The following ASTL variants were observed in gnomAD, a reference collection of about 807,000 sequenced individuals.
ASTL encodes the protein astacin like metalloendopeptidase, also known as astacin-like metalloendopeptidase.
In ASTL, 27 loss-of-function variants were observed where a neutral mutation model predicts 36.7. That is an observed-to-expected ratio of 0.73 (90% confidence interval 0.54 to 1.01). The LOEUF (loss-of-function observed/expected upper bound fraction) is 1.01, where lower values mean the gene tolerates loss of function less well. Among genes scored for constraint, ASTL ranks in the 50% least tolerant of loss-of-function variants. ASTL has a pLI of 0.00. For synonymous variants in ASTL, 222 were observed against 228.1 expected, an observed-to-expected ratio of 0.97 and a Z score of 0.24; for missense variants, 524 against 572.8, an observed-to-expected ratio of 0.91 and a Z score of 0.87.
rs572376409 is a variant in ASTL, at chr2:96,130,175, G to A, written c.638-30C>T. 5.1e-5 allele frequency: 79 copies of A among 1,561,948 alleles called. No homozygotes were observed. The South Asian group carries it at 8.7e-4, about 17-fold the overall frequency. ...AAATACAAAAACAATACAACTTACT[G>A]ATATATAAAGAGGGCAGGCAAGAAA... On this transcript the variant is annotated intron_variant, in intron 6 of 8. Coordinates refer to ENST00000342380, the MANE Select transcript of ASTL (RefSeq NM_001002036.4).
chr2:96,130,006 C>T (rs369833800), intron 7 of ASTL, 28 bp from the exon 8 acceptor site: 1 of 1,612,154 alleles, frequency 6.2e-7, no homozygotes, highest in African/African-American at 1.3e-5. Flanking sequence ...ACCCCTGAGT[C>T]CAGATCACCA....
At chr2:96,125,903 T>C (rs558906589) in intron 8 of ASTL, among the ~76,000 whole-genome samples, 1 of 151,966 alleles carries the variant, frequency 6.6e-6, no homozygotes, top group African/African-American at 2.4e-5. Context: ...ACCACATCTG[T>C]CCTTTAGGGA....
At chr2:96,130,739 G>A (rs988698475) in intron 6 of ASTL, among the ~76,000 whole-genome samples, 1 of 152,074 alleles carries the variant, frequency 6.6e-6, no homozygotes, top group Non-Finnish European at 1.5e-5. Context: ...ACGCCACCTC[G>A]GTCACAGCAG....
chr2:96,126,640 G>A (rs1389393032), intron 8 of ASTL, among the ~76,000 whole-genome samples: 1 of 152,044 alleles, frequency 6.6e-6, no homozygotes, highest in Non-Finnish European at 1.5e-5. Flanking sequence ...GGTAGATCAC[G>A]AGGTCAGGAG....
intron 8 of ASTL, among the ~76,000 whole-genome samples, chr2:96,129,107 A>C (rs1682118197): frequency 6.6e-6 from 1 of 152,162 alleles, no homozygotes; most frequent in Admixed American, 6.5e-5. Flanking sequence ...GAATTTATAG[A>C]TTAATTTGGG....
In ASTL at chr2:96,133,519, G is replaced by A. The variant is rs1682230507; in HGVS notation, c.361C>T (p.Leu121=). 1.9e-6 allele frequency: 3 copies of A among 1,614,022 alleles called. No homozygotes were observed. The highest frequency in any genetic ancestry group is 2.5e-6 in the Non-Finnish European group (3 of 1,179,970). Residue 121 remains leucine (L), a synonymous_variant, in exon 5 of 9, where the codon CTG becomes TTG. Coordinates refer to ENST00000342380, the MANE Select transcript of ASTL (RefSeq NM_001002036.4). ...KYDEPSRQVI[L]EALAEFERST... is the part of the protein sequence containing the mutation. ...CGTTCAAACTCCGCAAGAGCCTCCAGGATGACCTGGCGGCTGGGCTCATCT... is the reference window on the plus strand; with the variant it reads ...CGTTCAAACTCCGCAAGAGCCTCCAAGATGACCTGGCGGCTGGGCTCATCT...
intron 8 of ASTL, among the ~76,000 whole-genome samples, chr2:96,127,935 C>CA (rs1682096637): frequency 6.6e-6 from 1 of 151,742 alleles, no homozygotes; most frequent in East Asian, 1.9e-4. Flanking sequence ...TTATGTGTTG[C>CA]AAAAAAATAT....
chr2:96,133,912 C>T (rs1050609451), intron 4 of ASTL, 53 bp downstream of exon 4: 40 of 1,211,924 alleles, frequency 3.3e-5, no homozygotes, highest in Non-Finnish European at 4.4e-5. Context: ...GAACACCTGC[C>T]GCATTAGGAA....
intron 8 of ASTL, among the ~76,000 whole-genome samples, chr2:96,128,162 G>A (rs192395515): frequency 6.6e-6 from 1 of 151,454 alleles, no homozygotes; most frequent in East Asian, 1.9e-4. Flanking sequence ...AACCTGGGAG[G>A]CAGAAGTTGC....
Position 96,124,111 on chromosome 2 carries a change from C to G in ASTL, c.1035G>C (p.Gly345=). The change falls in exon 9 of 9, where the codon GGG becomes GGC. Residue 345 remains glycine, a synonymous_variant. Coordinates refer to ENST00000342380, the MANE Select transcript of ASTL (RefSeq NM_001002036.4). The surrounding 1 kb of genome is among the most constrained non-coding windows in gnomAD (Gnocchi z 4.1). Reference sequence around the variant, plus strand: ...GCTTTTTCAGGGCAGGGGACTCCCACCCATGTGGGCTCTCCCCAGGCCCTG... The same window carrying G: ...GCTTTTTCAGGGCAGGGGACTCCCAGCCATGTGGGCTCTCCCCAGGCCCTG... ...VPAGPGESPH[G]WESPALKKLS... is the part of the protein sequence containing the mutation. The G allele has an allele frequency of 1.9e-6, 3 of 1,601,778 alleles. No individual in the cohort carries two copies. The highest frequency in any genetic ancestry group is 1.3e-5 in the African/African-American group (1 of 74,808).
chr2:96,128,962 C>A (rs1479694519), intron 8 of ASTL, among the ~76,000 whole-genome samples: 6 of 151,896 alleles, frequency 4.0e-5, no homozygotes, highest in Non-Finnish European at 8.8e-5. Flanking sequence ...ATCACTTGAA[C>A]CTCGGAGGCA....
At position 96,123,199 on chromosome 2, in the gene ASTL, G is replaced by A. The variant is rs940099137; in HGVS notation, c.*651C>T. 6.6e-6 allele frequency among the ~76,000 whole-genome samples: 1 copy of A among 152,234 alleles called. No individual in the cohort carries two copies. The highest frequency in any genetic ancestry group is 1.5e-5 in the Non-Finnish European group (1 of 68,044). Reference sequence around the variant, plus strand: ...TAGGGTGGAGACAACTGAGTCCTCTGTTCAGGGGCCAGCTGAGGTTCCCAT... The same window carrying A: ...TAGGGTGGAGACAACTGAGTCCTCTATTCAGGGGCCAGCTGAGGTTCCCAT... On this transcript the variant is annotated 3_prime_UTR_variant, in exon 9 of 9. Transcript: ENST00000342380.
chr2:96,127,762 C>CG (rs1227662742), intron 8 of ASTL, among the ~76,000 whole-genome samples: 4 of 151,838 alleles, frequency 2.6e-5, no homozygotes, highest in African/African-American at 9.7e-5. Flanking sequence ...TTTTAAGAGA[C>CG]GGGGTCTTAC....
intron 6 of ASTL, among the ~76,000 whole-genome samples, chr2:96,131,903 A>G (rs889390785): frequency 6.6e-6 from 1 of 152,080 alleles, no homozygotes; most frequent in Admixed American, 6.5e-5. Context: ...CAAGCCCACA[A>G]TGAGAGAGAC....
At chr2:96,131,687 C>T (rs796714721) in intron 6 of ASTL, among the ~76,000 whole-genome samples, 9 of 152,260 alleles carry the variant, frequency 5.9e-5, no homozygotes, top group East Asian at 3.9e-4. Context: ...ACTGAGAAAG[C>T]GGTGTTTGGG....
At chr2:96,129,336 T>C (rs1173971801) in intron 8 of ASTL, among the ~76,000 whole-genome samples, 1 of 152,244 alleles carries the variant, frequency 6.6e-6, no homozygotes, top group Non-Finnish European at 1.5e-5. Flanking sequence ...TTATATTAAC[T>C]GTATTTACCT....
At chr2:96,136,176 G>A (rs534120183) in intron 2 of ASTL, among the ~76,000 whole-genome samples, 1 of 152,364 alleles carries the variant, frequency 6.6e-6, no homozygotes, top group African/African-American at 2.4e-5. Flanking sequence ...CCCAGGCACA[G>A]CCTCAGCCAG....
In ASTL at chr2:96,124,047, C is replaced by T; in HGVS notation, c.1099G>A (p.Ala367Thr). The change falls in exon 9 of 9, where the codon GCT becomes ACT. Residue 367 changes from alanine (A) to threonine (T), a missense_variant. By Grantham distance (58) the Ala-to-Thr change is moderately conservative. Coordinates refer to ENST00000342380, the MANE Select transcript of ASTL (RefSeq NM_001002036.4). The surrounding 1 kb of genome is among the most constrained non-coding windows in gnomAD (Gnocchi z 4.1). ...CCAGGCCTTGATCTTGGGGAGGAAG[C>T]TAGGGTCTGAGGCTGCCTTGCCGAG... ...EASARQPQTL[A>T]SSPRSRPGAG... is the part of the protein sequence containing the mutation. 1 of 1,613,930 alleles carries T rather than the reference C, an allele frequency of 6.2e-7. No individual in the cohort carries two copies. Among genetic ancestry groups the T allele is most frequent in the Non-Finnish European group, 8.5e-7 (1 of 1,179,926 alleles).
intron 3 of ASTL, 142 bp from the exon 4 acceptor site, chr2:96,134,200 G>A (rs1682248709): frequency 4.5e-6 from 3 of 670,776 alleles, no homozygotes; most frequent in Non-Finnish European, 8.2e-6. Flanking sequence ...GACCATTAGA[G>A]ATGGGACAGA....
Sources: allele counts gnomAD v4.1 joint callset (sites outside exome capture counted in the v4.1 genomes callset), GRCh38; gene constraint gnomAD v4.1.1; non-coding constraint Gnocchi (gnomAD v3.1); transcripts MANE v1.5; gene names NCBI Gene and HGNC (gene_info 2026-07-23, HGNC 2026-07-21).